RPS6KC1: variants seen among roughly 807,000 people sequenced by gnomAD.
The protein encoded by RPS6KC1 is inactive ribosomal protein S6 kinase delta-1.
In RPS6KC1, 54 loss-of-function variants were observed where a neutral mutation model predicts 103.8. That is an observed-to-expected ratio of 0.52 (90% confidence interval 0.42 to 0.65). The LOEUF (loss-of-function observed/expected upper bound fraction) is 0.65, where lower values mean the gene tolerates loss of function less well. Ranked by LOEUF, RPS6KC1 falls within the 30% of genes least tolerant of loss-of-function variation. RPS6KC1 has a pLI of 0.00. For missense variants in RPS6KC1, 1,151 were observed against 1,253.8 expected (o/e 0.92, Z 1.24); for synonymous variants, 439 against 438.7 (o/e 1.00, Z -0.01).
chr1:213,664,720 C>T, the RPS6KC1 span, among the ~76,000 whole-genome samples: 1 of 152,090 alleles, frequency 6.6e-6, no homozygotes, highest in Non-Finnish European at 1.5e-5. Flanking sequence ...TGCATGGCCT[C>T]CTTGGTCCAC....
At chr1:213,221,950 G>C (rs2093843409) in intron 8 of RPS6KC1, among the ~76,000 whole-genome samples, 1 of 152,130 alleles carries the variant, frequency 6.6e-6, no homozygotes, top group Non-Finnish European at 1.5e-5. Flanking sequence ...TACCTTTGAA[G>C]GTATTTCTGG....
chr1:213,055,218 C>T (rs1485874130), intron 1 of RPS6KC1, among the ~76,000 whole-genome samples: 2 of 152,158 alleles, frequency 1.3e-5, no homozygotes, highest in African/African-American at 2.4e-5. Flanking sequence ...CAGTCAGTCA[C>T]TCCCCCTCAT....
intron 9 of RPS6KC1, 44 bp from the exon 10 acceptor site, chr1:213,232,079 A>T (rs746523449): frequency 1.3e-5 from 2 of 159,114 alleles, no homozygotes; most frequent in Non-Finnish European, 1.8e-5. Context: ...AAGGCAACTG[A>T]GGATGCAACT....
At chr1:213,431,093 CTG>C in the RPS6KC1 span, among the ~76,000 whole-genome samples, 4 of 152,142 alleles carry the variant, frequency 2.6e-5, no homozygotes, top group African/African-American at 9.7e-5. Flanking sequence ...AAGTCAAAAA[CTG>C]TGTGGCTGCA....
the RPS6KC1 span, among the ~76,000 whole-genome samples, chr1:213,740,647 T>C: frequency 6.6e-6 from 1 of 151,450 alleles, no homozygotes; most frequent in African/African-American, 2.4e-5. Flanking sequence ...CACATACATA[T>C]ATCTCTCAGA....
At position 213,272,712 on chromosome 1, in the gene RPS6KC1, A is replaced by C; in HGVS notation, c.*78A>C. On this transcript the variant is annotated 3_prime_UTR_variant, in exon 15 of 15. Transcript: ENST00000366960. ...TCCAGCACTGAGGCACCTCTGACTC[A>C]CAGTTACTTATGGAGCACCAAAGCA... 4 of 1,022,676 alleles carry C rather than the reference A, an allele frequency of 3.9e-6. No individual in the cohort carries two copies. Among genetic ancestry groups the C allele is most frequent in the Non-Finnish European group, 6.1e-6 (4 of 653,062 alleles). The allele number at this position is 1,022,676 out of a possible 1,614,324, so 63.4% of individuals were successfully genotyped here.
chr1:213,626,174 T>C, the RPS6KC1 span, among the ~76,000 whole-genome samples: 1 of 152,240 alleles, frequency 6.6e-6, no homozygotes, highest in Non-Finnish European at 1.5e-5. Flanking sequence ...ATTTCTCTGA[T>C]GGCCAGTGAT....
intron 8 of RPS6KC1, among the ~76,000 whole-genome samples, chr1:213,183,784 C>G (rs1296313664): frequency 2.0e-5 from 3 of 151,850 alleles, no homozygotes; most frequent in East Asian, 1.9e-4. Context: ...ATGTAAAGAG[C>G]AGGAAGCAAT....
At chr1:213,545,237 G>A in the RPS6KC1 span, among the ~76,000 whole-genome samples, 1 of 151,968 alleles carries the variant, frequency 6.6e-6, no homozygotes, top group Non-Finnish European at 1.5e-5. Flanking sequence ...TGGGTGTGGT[G>A]ATGGGCCCCT....
chr1:213,136,758 A>T (rs2086313652), intron 6 of RPS6KC1, among the ~76,000 whole-genome samples: 1 of 152,216 alleles, frequency 6.6e-6, no homozygotes, highest in African/African-American at 2.4e-5. Context: ...ATCCAGATCA[A>T]GGAGCAGAAT....
chr1:213,569,467 T>C, the RPS6KC1 span, among the ~76,000 whole-genome samples: 1 of 152,206 alleles, frequency 6.6e-6, no homozygotes. Flanking sequence ...CTTAGCTGTG[T>C]TTTTCTGAAA....
intron 3 of RPS6KC1, among the ~76,000 whole-genome samples, chr1:213,087,558 A>G (rs1233362851): frequency 6.6e-6 from 1 of 152,200 alleles, no homozygotes; most frequent in East Asian, 1.9e-4. Flanking sequence ...TGTTAAGCTT[A>G]GCAACGGAGG....
intron 5 of RPS6KC1, among the ~76,000 whole-genome samples, chr1:213,123,712 C>T (rs1572682157): frequency 6.6e-6 from 1 of 152,142 alleles, no homozygotes; most frequent in African/African-American, 2.4e-5. Flanking sequence ...GGCTAGATAA[C>T]TTGCTTTGTG....
chr1:213,422,739 AAGG>A, the RPS6KC1 span, among the ~76,000 whole-genome samples: 6 of 152,180 alleles, frequency 3.9e-5, no homozygotes, highest in African/African-American at 9.7e-5. Flanking sequence ...TATTAGAAGG[AAGG>A]AGAAGGGAGT....
the RPS6KC1 span, among the ~76,000 whole-genome samples, chr1:213,827,063 A>G: frequency 6.6e-6 from 1 of 152,190 alleles, no homozygotes; most frequent in Non-Finnish European, 1.5e-5. Context: ...AGGTTGTCAC[A>G]GTTCCAAGGA....
At chr1:213,261,678 A>G in intron 13 of RPS6KC1, 38 bp downstream of exon 13, 2 of 1,527,110 alleles carry the variant, frequency 1.3e-6, no homozygotes, top group Non-Finnish European at 1.8e-6. Context: ...ATTTACTCAG[A>G]TGCTACCTTG....
At chr1:213,753,774 C>T in the RPS6KC1 span, among the ~76,000 whole-genome samples, 1 of 152,200 alleles carries the variant, frequency 6.6e-6, no homozygotes, top group East Asian at 1.9e-4. Flanking sequence ...CCCATCTTCT[C>T]AGCACATTAT....
At chr1:213,103,535 C>T (rs1344676571) in intron 3 of RPS6KC1, among the ~76,000 whole-genome samples, 1 of 152,126 alleles carries the variant, frequency 6.6e-6, no homozygotes, top group Non-Finnish European at 1.5e-5. Context: ...AGACACTTCA[C>T]CATAAGCATG....
chr1:213,263,497 C>T (rs1257954011), intron 14 of RPS6KC1, among the ~76,000 whole-genome samples: 4 of 152,192 alleles, frequency 2.6e-5, no homozygotes, highest in African/African-American at 9.6e-5. Flanking sequence ...CATTGCTGGG[C>T]TATCAGCAGG....
Sources: allele counts gnomAD v4.1 joint callset (sites outside exome capture counted in the v4.1 genomes callset), GRCh38; gene constraint gnomAD v4.1.1; transcripts MANE v1.5; gene names NCBI Gene and HGNC (gene_info 2026-07-23, HGNC 2026-07-21).